GGCX: variants seen among roughly 807,000 people sequenced by gnomAD.
GGCX encodes the protein gamma-glutamyl carboxylase, also known as vitamin K-dependent gamma-carboxylase.
A neutral mutation model predicts 88.5 loss-of-function variants in GGCX; 63 were observed. The ratio of observed to expected loss-of-function variants is 0.71; its 90% CI spans 0.58 to 0.88. The LOEUF is 0.88. GGCX is among the 40% of genes least tolerant of loss of function. GGCX has a pLI of 0.00. For missense variants in GGCX, 805 were observed against 932.9 expected (o/e 0.86, Z 1.79); for synonymous variants, 368 against 365.8 (o/e 1.01, Z -0.07).
chr2:85,552,918 T>C (rs750830082), intron 9 of GGCX, 21 bp downstream of exon 9: 6 of 1,613,736 alleles, frequency 3.7e-6, no homozygotes, highest in South Asian at 1.1e-5. Flanking sequence ...AACAGTAAAT[T>C]GTCAGCATCA....
At chr2:85,552,592 C>T (rs1331997036) in intron 9 of GGCX, 25 bp from the exon 10 acceptor site, 1 of 1,607,904 alleles carries the variant, frequency 6.2e-7, no homozygotes, top group Non-Finnish European at 8.5e-7. Flanking sequence ...CATATTAGTC[C>T]CACCTCATCA....
At position 85,558,430 on chromosome 2, in the gene GGCX, T is replaced by C; in HGVS notation, c.539+10A>G. ...GCCAACCCCTCCCCTTTGTCCCCCC[T>C]GACTCATACCAGTAGTGGTTTGCAT... On this transcript the variant is annotated intron_variant, in intron 4 of 14. Transcript: ENST00000233838. The C allele has an allele frequency of 1.9e-6, 3 of 1,611,738 alleles. No individual in the cohort carries two copies. The highest frequency in any genetic ancestry group is 2.5e-6 in the Non-Finnish European group (3 of 1,177,884).
At chr2:85,553,929 T>C in intron 7 of GGCX, 1 of 599,552 alleles carries the variant, frequency 1.7e-6, no homozygotes, top group East Asian at 2.9e-5. Context: ...GTAAGATATT[T>C]GTTCTTCCTG....
At chr2:85,550,385 C>G (rs1691881735) in intron 14 of GGCX, among the ~76,000 whole-genome samples, 170 bp downstream of exon 14, 1 of 152,120 alleles carries the variant, frequency 6.6e-6, no homozygotes, top group Admixed American at 6.5e-5. Context: ...AGCAGGCCAT[C>G]AGATATAGGC....
chr2:85,557,894 C>T (rs1254642651), intron 4 of GGCX, among the ~76,000 whole-genome samples: 1 of 152,154 alleles, frequency 6.6e-6, no homozygotes, highest in Non-Finnish European at 1.5e-5. Flanking sequence ...GTCAACTGCC[C>T]CACCACCTTA....
chr2:85,553,513 G>GA lies in GGCX; in HGVS notation c.890-17dup. The GA allele has an allele frequency of 6.2e-7, 1 of 1,612,808 alleles. No individual in the cohort carries two copies. The highest frequency in any genetic ancestry group is 1.1e-5 in the South Asian group (1 of 91,032). ...GAGAACATACCTAGGAAAGCAGGGA[G>GA]AAAATACATATTTCAGGAGTTTGGC... is the stretch of plus-strand genomic sequence containing the variant. On this transcript the variant is annotated splice_polypyrimidine_tract_variant and intron_variant, in intron 7 of 14. Transcript: ENST00000233838.
In GGCX at chr2:85,546,710, T is replaced by G. The variant is rs1432950115; in HGVS notation, c.*3224A>C. On this transcript the variant is annotated 3_prime_UTR_variant, in exon 15 of 15. Transcript: ENST00000233838. The stretch of plus-strand genomic sequence containing the variant: ...GAGCAAGGTTCCTTCTCAAAAAACT[T>G]GGAAATCTGTTGGGAAGTAGGGGGA... 1 of 152,142 alleles carries G rather than the reference T, an allele frequency of 6.6e-6. No individual in the cohort carries two copies. Among genetic ancestry groups the G allele is most frequent in the African/African-American group, 2.4e-5 (1 of 41,402 alleles). 9.4% of individuals were successfully genotyped at this position (152,142 alleles called of 1,614,324 possible). A position where few individuals can be genotyped will look rare whatever the true frequency, so the allele number is the denominator to read the frequency against.
chr2:85,551,152 G>T (rs1336694837), intron 12 of GGCX, 80 bp from the exon 13 acceptor site: 2 of 1,319,498 alleles, frequency 1.5e-6, no homozygotes, highest in Non-Finnish European at 2.2e-6. Context: ...ATGACTCTTG[G>T]CTTCTTTCTA....
intron 4 of GGCX, among the ~76,000 whole-genome samples, chr2:85,557,747 A>AAAAT (rs1223200011): frequency 2.6e-5 from 4 of 152,250 alleles, no homozygotes; most frequent in Admixed American, 1.3e-4. Context: ...TCTCTATTTA[A>AAAAT]AAATAAATAA....
At chr2:85,556,051 T>C in intron 5 of GGCX, 131 bp downstream of exon 5, 1 of 709,704 alleles carries the variant, frequency 1.4e-6, no homozygotes, top group South Asian at 1.5e-5. Flanking sequence ...CCAGCCTAGC[T>C]TTCCAGCAAA....
Position 85,548,873 on chromosome 2 carries a change from G to C in GGCX, c.*1061C>G, listed in dbSNP as rs1432889134. 1 of 152,104 alleles carries C rather than the reference G, an allele frequency of 6.6e-6. No individual in the cohort carries two copies. Among genetic ancestry groups the C allele is most frequent in the Non-Finnish European group, 1.5e-5 (1 of 68,030 alleles). The allele number at this position is 152,104 out of a possible 1,614,324, so 9.4% of individuals were successfully genotyped here. On this transcript the variant is annotated 3_prime_UTR_variant, in exon 15 of 15. Transcript: ENST00000233838. ...CTCCCCTTCTGCTCACCAAAGGCTAGAATAATACCAAATACTAAGCTTATT... is the reference window on the plus strand; with the variant it reads ...CTCCCCTTCTGCTCACCAAAGGCTACAATAATACCAAATACTAAGCTTATT...
rs926201660 is a variant in GGCX, at chr2:85,561,308, G to A, written c.43+78C>T. 16 of 879,406 alleles carry A rather than the reference G, an allele frequency of 1.8e-5. No homozygotes were observed. The African/African-American group carries it at 2.2e-4, about 12-fold the overall frequency. 54.5% of individuals were successfully genotyped at this position (879,406 alleles called of 1,614,324 possible). A position where few individuals can be genotyped will look rare whatever the true frequency, so the allele number is the denominator to read the frequency against. ...CCCCCCCGCCTCACCGGGAGACACT[G>A]GGCGTCCTCCCGCCCCCGCCCCTCT... is the stretch of plus-strand genomic sequence containing the variant. On this transcript the variant is annotated intron_variant, in intron 1 of 14. Transcript: ENST00000233838.
Position 85,550,657 on chromosome 2 carries a change from C to T in GGCX, c.1982G>A (p.Arg661Lys). ...EPTPLVQTFL[R>K]RQQRLQEIER... is the part of the protein sequence containing the mutation. ...AATCTCCTGGAGCCTTTGTTGGCGT[C>T]TAAGAAAGGTCTGAACCAGAGGTGT... Residue 661 changes from arginine to lysine, a missense_variant, in exon 14 of 15, where the codon AGA becomes AAA. This residue lies in a region of GGCX where 680 missense variants were observed against 763.7 expected (regional missense o/e 0.89). Transcript: ENST00000233838. 1 of 1,613,990 alleles carries T rather than the reference C, an allele frequency of 6.2e-7. No homozygotes were observed. The highest frequency in any genetic ancestry group is 8.5e-7 in the Non-Finnish European group (1 of 1,179,840).
rs1196235992 is a variant in GGCX, at chr2:85,548,285, A to G, written c.*1649T>C. The G allele has an allele frequency of 6.6e-6, 1 of 152,252 alleles. No individual in the cohort carries two copies. The allele number at this position is 152,252 out of a possible 1,614,324, so 9.4% of individuals were successfully genotyped here. A position where few individuals can be genotyped will look rare whatever the true frequency, so the allele number is the denominator to read the frequency against. On this transcript the variant is annotated 3_prime_UTR_variant, in exon 15 of 15. Transcript: ENST00000233838. Reference sequence around the variant, plus strand: ...AAATGCAAGGAAAAAGGAAGAGTCAAGGCTGATGACCTAGAGATAACAGCT... The same window carrying G: ...AAATGCAAGGAAAAAGGAAGAGTCAGGGCTGATGACCTAGAGATAACAGCT...
At chr2:85,553,189 T>G (rs1393487493) in intron 8 of GGCX, 43 bp downstream of exon 8, 2 of 1,613,684 alleles carry the variant, frequency 1.2e-6, no homozygotes. Flanking sequence ...TCCGTTCCTT[T>G]CTAAGTCCAG....
At chr2:85,558,352 G>A in intron 4 of GGCX, 88 bp downstream of exon 4, 2 of 1,175,126 alleles carry the variant, frequency 1.7e-6, no homozygotes, top group East Asian at 4.7e-5. Context: ...AAACATGACT[G>A]AAAAATTCCA....
At chr2:85,553,842 C>T in intron 7 of GGCX, 2 of 473,138 alleles carry the variant, frequency 4.2e-6, no homozygotes, top group South Asian at 4.2e-5. Context: ...CTCAGGTGAT[C>T]CACCCACCTC....
chr2:85,550,227 C>G, intron 14 of GGCX, 101 bp from the exon 15 acceptor site: 1 of 832,818 alleles, frequency 1.2e-6, no homozygotes, highest in Non-Finnish European at 2.0e-6. Context: ...TCCTCCCACA[C>G]AGGCATATAT....
Position 85,551,998 on chromosome 2 carries a change from A to G in GGCX, c.1440-17T>C, listed in dbSNP as rs1389863432. On this transcript the variant is annotated splice_polypyrimidine_tract_variant and intron_variant, in intron 10 of 14. Transcript: ENST00000233838. ...TCAAAAATCCTTAGGAAAGAAAACCATGTTCTAAGGACATCACAGCCACCC... is the reference window on the plus strand; with the variant it reads ...TCAAAAATCCTTAGGAAAGAAAACCGTGTTCTAAGGACATCACAGCCACCC... 3 of 1,606,916 alleles carry G rather than the reference A, an allele frequency of 1.9e-6. No homozygotes were observed. Among genetic ancestry groups the G allele is most frequent in the African/African-American group, 1.3e-5 (1 of 74,774 alleles).
Sources: gnomAD v4.1 joint callset for allele counts (sites outside exome capture counted in the v4.1 genomes callset) on GRCh38, gnomAD v4.1.1 for gene constraint, gnomAD v4.1.1 regional missense constraint, MANE v1.5 for transcripts, NCBI Gene and HGNC (gene_info 2026-07-23, HGNC 2026-07-21) for gene names.